Variants in SLC13A1 observed in about 807,000 individuals in gnomAD.
SLC13A1 encodes solute carrier family 13 member 1, also known as Na(+)/sulfate cotransporter.
A neutral mutation model predicts 70.0 loss-of-function variants in SLC13A1; 65 were observed. That is an observed-to-expected ratio of 0.93 (90% CI 0.76 to 1.14). The LOEUF (loss-of-function observed/expected upper bound fraction) is 1.14, where lower values mean the gene tolerates loss of function less well. Ranked by LOEUF, SLC13A1 falls within the 50% of genes most tolerant of loss-of-function variation. SLC13A1 has a pLI of 0.00. For synonymous variants in SLC13A1, 275 were observed against 250.5 expected, an observed-to-expected ratio of 1.10 and a Z score of -0.92; for missense variants, 726 against 717.8, an observed-to-expected ratio of 1.01 and a Z score of -0.13.
intron 3 of SLC13A1, 134 bp downstream of exon 3, chr7:123,171,634 C>T: frequency 1.1e-6 from 1 of 902,234 alleles, no homozygotes; most frequent in Middle Eastern, 2.3e-4. Flanking sequence ...TTCATATTTG[C>T]AGAGGAAAAA....
intron 1 of SLC13A1, 149 bp from the exon 2 acceptor site, chr7:123,181,250 C>T (rs910604853): frequency 4.0e-6 from 3 of 746,014 alleles, no homozygotes; most frequent in African/African-American, 3.6e-5. Flanking sequence ...CCCTCAAATA[C>T]TCATTTCTTA....
chr7:123,174,869 G>A (rs952472097), intron 2 of SLC13A1, among the ~76,000 whole-genome samples: 2 of 151,696 alleles, frequency 1.3e-5, no homozygotes. Context: ...AATTTAACCT[G>A]GAATGACCCT....
At position 123,114,565 on chromosome 7, in the gene SLC13A1, G is replaced by T. The variant is rs190947129; in HGVS notation, c.*953C>A. On this transcript the variant is annotated 3_prime_UTR_variant, in exon 15 of 15. Coordinates refer to ENST00000194130, the MANE Select transcript of SLC13A1 (RefSeq NM_022444.4). ...TGCAATGTTAACACACCAGAGTTATGTGATTTTTCTGTCTGTATACACAGT... is the reference window on the plus strand; with the variant it reads ...TGCAATGTTAACACACCAGAGTTATTTGATTTTTCTGTCTGTATACACAGT... 6.6e-6 allele frequency: 1 copy of T among 151,098 alleles called. No homozygotes were observed. The highest frequency in any genetic ancestry group is 1.9e-4 in the East Asian group (1 of 5,150). The allele number at this position is 151,098 out of a possible 1,614,324, so 9.4% of individuals were successfully genotyped here.
chr7:123,181,023 A>G lies in SLC13A1; in HGVS notation c.178T>C (p.Leu60=). 1 of 1,612,810 alleles carries G rather than the reference A, an allele frequency of 6.2e-7. No homozygotes were observed. ...TEALPLSVTA[L]LPSLMLPMFG... is the part of the protein sequence containing the mutation. The stretch of plus-strand genomic sequence containing the variant: ...ATGGGTAACATTAAACTAGGTAGCA[A>G]AGCTGTTACCGACAGAGGCAATGCT... Residue 60 remains leucine, a synonymous_variant, in exon 2 of 15, where the codon TTG becomes CTG. Coordinates refer to ENST00000194130, the MANE Select transcript of SLC13A1 (RefSeq NM_022444.4).
intron 3 of SLC13A1, among the ~76,000 whole-genome samples, chr7:123,169,772 A>C (rs1795202682): frequency 6.6e-6 from 1 of 151,680 alleles, no homozygotes; most frequent in South Asian, 2.1e-4. Context: ...TCTTTTAGCC[A>C]TAACTCTGTT....
At chr7:123,169,014 C>A in intron 4 of SLC13A1, 134 bp downstream of exon 4, 1 of 734,266 alleles carries the variant, frequency 1.4e-6, no homozygotes, top group Non-Finnish European at 2.2e-6. Flanking sequence ...ATACTGAGAA[C>A]TATAGAGGGA....
chr7:123,197,422 A>T (rs955973147), intron 1 of SLC13A1, among the ~76,000 whole-genome samples: 10 of 152,244 alleles, frequency 6.6e-5, no homozygotes, highest in African/African-American at 2.2e-4. Flanking sequence ...TTGGTAACCT[A>T]AAAGTTAACA....
intron 7 of SLC13A1, among the ~76,000 whole-genome samples, chr7:123,136,576 AATCCTT>A (rs1793955329): frequency 6.6e-6 from 1 of 152,104 alleles, no homozygotes; most frequent in African/African-American, 2.4e-5. Context: ...ATTCTGATGA[AATCCTT>A]TTCTTTTACC....
At chr7:123,131,480 C>G (rs2116325551) in intron 8 of SLC13A1, among the ~76,000 whole-genome samples, 1 of 152,264 alleles carries the variant, frequency 6.6e-6, no homozygotes, top group African/African-American at 2.4e-5. Flanking sequence ...AATGCCTTCA[C>G]AAAGCTACTG....
chr7:123,180,854 G>T, intron 2 of SLC13A1, 119 bp downstream of exon 2: 1 of 1,036,932 alleles, frequency 9.6e-7, no homozygotes, highest in Non-Finnish European at 1.4e-6. Context: ...TTGGAAGTTT[G>T]GGGGACTTAT....
At chr7:123,124,842 G>C (rs1793505725) in intron 11 of SLC13A1, among the ~76,000 whole-genome samples, 1 of 152,092 alleles carries the variant, frequency 6.6e-6, no homozygotes, top group Admixed American at 6.6e-5. Flanking sequence ...GTCTCCCTCT[G>C]TTGCCCAGGG....
At chr7:123,129,539 AG>A in intron 8 of SLC13A1, 58 bp from the exon 9 acceptor site, 1 of 1,310,156 alleles carries the variant, frequency 7.6e-7, no homozygotes, top group Non-Finnish European at 1.1e-6. Flanking sequence ...CCTCCCTGTA[AG>A]GAAGATATTT....
intron 6 of SLC13A1, among the ~76,000 whole-genome samples, chr7:123,164,359 T>C (rs1157839298): frequency 6.6e-5 from 10 of 151,938 alleles, no homozygotes. Context: ...GGGAGAAATA[T>C]TATAGTTCTA....
At chr7:123,142,959 C>A (rs10236058) in intron 7 of SLC13A1, among the ~76,000 whole-genome samples, 34,625 of 151,836 alleles carry the variant, frequency 0.23, 4,677 homozygotes, top group East Asian at 0.34. Context: ...ACCTCCCAGG[C>A]TTGGTCTTTT....
chr7:123,147,647 T>C (rs1313536388), intron 6 of SLC13A1, among the ~76,000 whole-genome samples: 1 of 152,090 alleles, frequency 6.6e-6, no homozygotes, highest in African/African-American at 2.4e-5. Context: ...CAGACCCTGA[T>C]CCAATCTTCA....
chr7:123,131,310 G>T (rs1793751853), intron 8 of SLC13A1, among the ~76,000 whole-genome samples: 1 of 152,064 alleles, frequency 6.6e-6, no homozygotes, highest in Non-Finnish European at 1.5e-5. Flanking sequence ...GTGCCACCTA[G>T]AGAGCAATCT....
intron 7 of SLC13A1, among the ~76,000 whole-genome samples, chr7:123,146,658 A>C (rs929738939): frequency 1.3e-5 from 2 of 152,208 alleles, no homozygotes. Flanking sequence ...ACATATTAAC[A>C]GTCATATATC....
At chr7:123,142,715 T>C (rs1353173543) in intron 7 of SLC13A1, among the ~76,000 whole-genome samples, 1 of 145,136 alleles carries the variant, frequency 6.9e-6, no homozygotes, top group Non-Finnish European at 1.5e-5. Flanking sequence ...CCTCCCAAAT[T>C]CAAGCGATTC....
intron 6 of SLC13A1, among the ~76,000 whole-genome samples, chr7:123,158,125 G>GAAAAAAATTCAAC (rs1482172980): frequency 1.3e-5 from 2 of 151,802 alleles, no homozygotes; most frequent in Non-Finnish European, 2.9e-5. Flanking sequence ...GAACATGCAA[G>GAAAAAAATTCAAC]AAAATAATTC....
Sources: gnomAD v4.1 joint callset for allele counts (sites outside exome capture counted in the v4.1 genomes callset) on GRCh38, gnomAD v4.1.1 for gene constraint, MANE v1.5 for transcripts, NCBI Gene and HGNC (gene_info 2026-07-23, HGNC 2026-07-21) for gene names.